ZC3H14: variants seen among roughly 807,000 people sequenced by gnomAD.
ZC3H14 encodes zinc finger CCCH-type containing 14, also known as zinc finger CCCH domain-containing protein 14.
In ZC3H14, 31 loss-of-function variants were observed where a neutral mutation model predicts 92.4. That is an observed-to-expected ratio of 0.34 (90% CI 0.25 to 0.45). The LOEUF (loss-of-function observed/expected upper bound fraction) is 0.45, where lower values mean the gene tolerates loss of function less well. ZC3H14 is among the 20% of genes least tolerant of loss of function. ZC3H14 has a pLI of 1.00. For synonymous variants in ZC3H14, 321 were observed against 300.9 expected (o/e 1.07, Z -0.69); for missense variants, 781 against 897.3 (o/e 0.87, Z 1.66).
intron 10 of ZC3H14, among the ~76,000 whole-genome samples, chr14:88,597,312 G>C (rs934856768): frequency 6.6e-6 from 1 of 152,164 alleles, no homozygotes; most frequent in Non-Finnish European, 1.5e-5. Context: ...GGCTACTCCA[G>C]GACTGGAGCT....
intron 9 of ZC3H14, among the ~76,000 whole-genome samples, chr14:88,582,934 C>CTTA (rs2082073623): frequency 6.6e-6 from 1 of 152,012 alleles, no homozygotes; most frequent in African/African-American, 2.4e-5. Context: ...AGCATTCTCT[C>CTTA]ATTTCTCTGG....
intron 9 of ZC3H14, chr14:88,589,227 A>T (rs1114103): frequency 0.23 from 35,545 of 152,110 alleles, 4,646 homozygotes; most frequent in East Asian, 0.52. Context: ...AAGGAGCTGC[A>T]ATTGGCCTTG....
chr14:88,625,243 T>C lies in ZC3H14; in HGVS notation c.*13492T>C, dbSNP rs1009821936. 35 of 1,213,604 alleles carry C rather than the reference T, an allele frequency of 2.9e-5. No homozygotes were observed. Among genetic ancestry groups the C allele is most frequent in the African/African-American group, 4.6e-5 (3 of 65,382 alleles). 75.2% of individuals were successfully genotyped at this position (1,213,604 alleles called of 1,614,324 possible). Reference sequence around the variant, plus strand: ...TCACCCTTGATACAAAGAGCATGCATCGTGTAGTGGCAGCAGCACTGAATT... The same window carrying C: ...TCACCCTTGATACAAAGAGCATGCACCGTGTAGTGGCAGCAGCACTGAATT... On this transcript the variant is annotated 3_prime_UTR_variant, in exon 17 of 17. Coordinates refer to ENST00000251038, the MANE Select transcript of ZC3H14 (RefSeq NM_024824.5).
chr14:88,580,639 A>T (rs1247809048), intron 9 of ZC3H14, among the ~76,000 whole-genome samples: 1 of 152,230 alleles, frequency 6.6e-6, no homozygotes, highest in African/African-American at 2.4e-5. Context: ...AAGAAACAAT[A>T]TTCAGAGGAA....
At position 88,615,626 on chromosome 14, in the gene ZC3H14, ATTACGGATTATACC is replaced by A; in HGVS notation, c.*3876_*3889del. 1.8e-6 allele frequency: 1 copy of A among 560,032 alleles called. No homozygotes were observed. Among genetic ancestry groups the A allele is most frequent in the Non-Finnish European group, 3.1e-6 (1 of 320,918 alleles). 34.7% of individuals were successfully genotyped at this position (560,032 alleles called of 1,614,324 possible). ...AATGGCATTATCTGGCAGTGTATGG[ATTACGGATTATACC>A]CAGTGCATATAGCAAATATTTTGAA... On this transcript the variant is annotated 3_prime_UTR_variant, in exon 17 of 17. Coordinates refer to ENST00000251038, the MANE Select transcript of ZC3H14 (RefSeq NM_024824.5).
At position 88,621,883 on chromosome 14, in the gene ZC3H14, CA is replaced by C. The variant is rs2089023998; in HGVS notation, c.*10136del. ...ATCATTTCTTTGTGATGGAAACTTT[CA>C]AAATCCTCTCTTGTAAATACCTGAA... On this transcript the variant is annotated 3_prime_UTR_variant, in exon 17 of 17. Transcript: ENST00000251038. 1 of 456,360 alleles carries C rather than the reference CA, an allele frequency of 2.2e-6. No individual in the cohort carries two copies. Among genetic ancestry groups the C allele is most frequent in the African/African-American group, 2.0e-5 (1 of 50,064 alleles). The allele number at this position is 456,360 out of a possible 1,614,324, so 28.3% of individuals were successfully genotyped here.
In ZC3H14 at chr14:88,618,595, C is replaced by T. The variant is rs1372003496; in HGVS notation, c.*6844C>T. ...GGAACTTTAAATGCATTCACTAACA[C>T]GAAATGTAAAAGCAGAAGAACTTGC... On this transcript the variant is annotated 3_prime_UTR_variant, in exon 17 of 17. Transcript: ENST00000251038. The T allele has an allele frequency of 5.8e-6, 9 of 1,552,484 alleles. No individual in the cohort carries two copies. The highest frequency in any genetic ancestry group is 4.5e-5 in the East Asian group (2 of 44,234).
At chr14:88,601,864 A>C in intron 10 of ZC3H14, 60 bp from the exon 11 acceptor site, 1 of 1,571,222 alleles carries the variant, frequency 6.4e-7, no homozygotes, top group Non-Finnish European at 8.8e-7. Context: ...CACATATATA[A>C]TGTTGGGAAT....
rs553619686 is a variant in ZC3H14 at position 88,617,446 on chromosome 14, G to A, written c.*5695G>A. The A allele has an allele frequency of 6.6e-6, 1 of 152,356 alleles. No individual in the cohort carries two copies. The highest frequency in any genetic ancestry group is 1.9e-4 in the East Asian group (1 of 5,162). 9.4% of individuals were successfully genotyped at this position (152,356 alleles called of 1,614,324 possible). On this transcript the variant is annotated 3_prime_UTR_variant, in exon 17 of 17. Coordinates refer to ENST00000251038, the MANE Select transcript of ZC3H14 (RefSeq NM_024824.5). ...ACAGGCTGAGCCACCGCGCCTGACT[G>A]AAAACTGATAGAACTATTTTTCAAA...
chr14:88,602,651 C>T (rs1217551273), intron 11 of ZC3H14, among the ~76,000 whole-genome samples, 177 bp from the exon 12 acceptor site: 4 of 152,078 alleles, frequency 2.6e-5, no homozygotes, highest in Non-Finnish European at 4.4e-5. Context: ...CTGTTCATGG[C>T]CATCGTGTGT....
Position 88,619,292 on chromosome 14 carries a change from G to A in ZC3H14, c.*7541G>A, listed in dbSNP as rs1389832344. On this transcript the variant is annotated 3_prime_UTR_variant, in exon 17 of 17. Transcript: ENST00000251038. ...AAGCAGGAGAATCGCTTGAACCCAG[G>A]AGGCACAGGTTGTGGTGAGCTGAGA... 1.3e-5 allele frequency: 2 copies of A among 152,706 alleles called. No homozygotes were observed. Among genetic ancestry groups the A allele is most frequent in the East Asian group, 3.9e-4 (2 of 5,190 alleles). The allele number at this position is 152,706 out of a possible 1,614,324, so 9.5% of individuals were successfully genotyped here. A position where few individuals can be genotyped will look rare whatever the true frequency, so the allele number is the denominator to read the frequency against.
At chr14:88,587,553 T>C (rs12586779) in intron 9 of ZC3H14, among the ~76,000 whole-genome samples, 35,867 of 152,148 alleles carry the variant, frequency 0.24, 4,704 homozygotes, top group East Asian at 0.52. Context: ...TTCTTTTATA[T>C]TGTCAAAGCT....
In ZC3H14 at chr14:88,611,957, GT is replaced by G; in HGVS notation, c.*211del. 1.5e-6 allele frequency: 1 copy of G among 670,534 alleles called. No individual in the cohort carries two copies. 41.5% of individuals were successfully genotyped at this position (670,534 alleles called of 1,614,324 possible). On this transcript the variant is annotated 3_prime_UTR_variant, in exon 17 of 17. Transcript: ENST00000251038. The stretch of plus-strand genomic sequence containing the variant: ...TTTTAACATTGGGTGTTTTTGTTTT[GT>G]TTTTACTATGAAAAGACAGCTTAAG...
intron 15 of ZC3H14, 21 bp downstream of exon 15, chr14:88,609,824 A>G: frequency 6.2e-7 from 1 of 1,608,574 alleles, no homozygotes; most frequent in Non-Finnish European, 8.5e-7. Context: ...CTATTTTCTC[A>G]AATCAATTTA....
chr14:88,599,891 GA>G (rs2084362968), intron 10 of ZC3H14, among the ~76,000 whole-genome samples: 1 of 152,118 alleles, frequency 6.6e-6, no homozygotes, highest in South Asian at 2.1e-4. Context: ...TAATAACTTG[GA>G]GCTGCAAACA....
chr14:88,599,454 C>T (rs190590785), intron 10 of ZC3H14, among the ~76,000 whole-genome samples: 5 of 152,212 alleles, frequency 3.3e-5, no homozygotes, highest in African/African-American at 1.2e-4. Flanking sequence ...GTGGTCTCTA[C>T]TCAGAAGATG....
chr14:88,626,431 G>A lies in ZC3H14; in HGVS notation c.*14680G>A, dbSNP rs1259042309. On this transcript the variant is annotated 3_prime_UTR_variant, in exon 17 of 17. Coordinates refer to ENST00000251038, the MANE Select transcript of ZC3H14 (RefSeq NM_024824.5). Reference sequence around the variant, plus strand: ...AGCTTAGGAGCTTGAGACCACCTAGGCAACATAGCGAAACCCTGTCTCTAC... The same window carrying A: ...AGCTTAGGAGCTTGAGACCACCTAGACAACATAGCGAAACCCTGTCTCTAC... 8 of 181,844 alleles carry A rather than the reference G, an allele frequency of 4.4e-5. No individual in the cohort carries two copies. Among genetic ancestry groups the A allele is most frequent in the Non-Finnish European group, 8.2e-5 (7 of 85,056 alleles). The allele number at this position is 181,844 out of a possible 1,614,324, so 11.3% of individuals were successfully genotyped here. A position where few individuals can be genotyped will look rare whatever the true frequency, so the allele number is the denominator to read the frequency against.
chr14:88,589,610 C>A (rs1020415609), intron 9 of ZC3H14: 1 of 152,206 alleles, frequency 6.6e-6, no homozygotes, highest in African/African-American at 2.4e-5. Context: ...TTTTCCTCTC[C>A]TGTCTGTTCT....
In ZC3H14 at chr14:88,618,068, A is replaced by G. The variant is rs2140258440; in HGVS notation, c.*6317A>G. ...ATAAAACATGGAAATATATTCAATA[A>G]AAAGGGGTCCCAACATGAACATACC... On this transcript the variant is annotated 3_prime_UTR_variant, in exon 17 of 17. Coordinates refer to ENST00000251038, the MANE Select transcript of ZC3H14 (RefSeq NM_024824.5). 1 of 455,940 alleles carries G rather than the reference A, an allele frequency of 2.2e-6. No individual in the cohort carries two copies. The highest frequency in any genetic ancestry group is 6.4e-5 in the South Asian group (1 of 15,544). The allele number at this position is 455,940 out of a possible 1,614,324, so 28.2% of individuals were successfully genotyped here. A position where few individuals can be genotyped will look rare whatever the true frequency, so the allele number is the denominator to read the frequency against.
Sources: allele counts gnomAD v4.1 joint callset (sites outside exome capture counted in the v4.1 genomes callset), GRCh38; gene constraint gnomAD v4.1.1; transcripts MANE v1.5; gene names NCBI Gene and HGNC (gene_info 2026-07-23, HGNC 2026-07-21).